NFE2L2: variants seen among roughly 807,000 people sequenced by gnomAD.
NFE2L2 encodes the protein nuclear factor erythroid 2-related factor 2.
A neutral mutation model predicts 49.6 loss-of-function variants in NFE2L2; 20 were observed. That is an observed-to-expected ratio of 0.40 (90% CI 0.28 to 0.59). NFE2L2 has a LOEUF of 0.59. Ranked by LOEUF, NFE2L2 falls within the 20% of genes least tolerant of loss-of-function variation. The pLI is 0.40. For synonymous variants in NFE2L2, 244 were observed against 256.5 expected (o/e 0.95, Z 0.47); for missense variants, 578 against 714.2 (o/e 0.81, Z 2.17).
In NFE2L2 at chr2:177,230,972, C is replaced by T. The variant is rs2105451186; in HGVS notation, c.1631G>A (p.Gly544Glu). 6.2e-7 allele frequency: 1 copy of T among 1,609,704 alleles called. No homozygotes were observed. ...TAGGTGAAGGCTTTTGTCATTTTCT[C>T]CTTTTTCTTTGAGCAATTTTTCTTT... ...DEKEKLLKEK[G>E]ENDKSLHLLK... The change falls in exon 5 of 5, where the codon GGA becomes GAA. Residue 544 changes from glycine to glutamate, a missense_variant. This residue lies in a region of NFE2L2 where 117 missense variants were observed against 175.8 expected (regional missense o/e 0.67). Coordinates refer to ENST00000397062, the MANE Select transcript of NFE2L2 (RefSeq NM_006164.5).
chr2:177,253,883 A>T (rs912111777), intron 1 of NFE2L2, among the ~76,000 whole-genome samples: 1 of 152,236 alleles, frequency 6.6e-6, no homozygotes, highest in Non-Finnish European at 1.5e-5. Context: ...GAATTTTGCA[A>T]TGTGGACAAT....
At chr2:177,247,428 G>A (rs929285266) in intron 1 of NFE2L2, among the ~76,000 whole-genome samples, 5 of 152,226 alleles carry the variant, frequency 3.3e-5, no homozygotes, top group South Asian at 2.1e-4. Context: ...TTGGGAGGCC[G>A]AGGCAGGTGG....
rs544993842 is a variant in NFE2L2 at position 177,247,521 on chromosome 2, C to T, written c.46-13250G>A. ...CTAAAAATACAAAAAATTAGCCGGG[C>T]GTGGTAGCGGGAGCCTATAATCTCA... On this transcript the variant is annotated intron_variant, in intron 1 of 4. Coordinates refer to ENST00000397062, the MANE Select transcript of NFE2L2 (RefSeq NM_006164.5). Among the ~76,000 whole-genome samples, 6 of 151,874 alleles carry T rather than the reference C, an allele frequency of 4.0e-5. No individual in the cohort carries two copies. In the East Asian group the frequency reaches 5.8e-4, roughly 15 times the overall value.
At chr2:177,240,060 A>C (rs1434530055) in intron 1 of NFE2L2, among the ~76,000 whole-genome samples, 1 of 152,172 alleles carries the variant, frequency 6.6e-6, no homozygotes. Flanking sequence ...ATTTCCTGTA[A>C]GGAGCCGTGT....
intron 1 of NFE2L2, among the ~76,000 whole-genome samples, chr2:177,259,200 G>A (rs1014383665): frequency 1.3e-5 from 2 of 152,128 alleles, no homozygotes; most frequent in Admixed American, 6.5e-5. Flanking sequence ...TACTTGGGAG[G>A]CTGAGGCAGG....
chr2:177,232,111 T>G lies in NFE2L2; in HGVS notation c.595-103A>C, dbSNP rs115871724. 1,412 of 1,139,502 alleles carry G rather than the reference T, an allele frequency of 1.2e-3. 11 individuals carry two copies. The African/African-American group carries it at 0.019, about 16-fold the overall frequency. The allele number at this position is 1,139,502 out of a possible 1,614,324, so 70.6% of individuals were successfully genotyped here. ...TACCCACATTATCTTCAGGCTTATC[T>G]CTATAATTTATTATCTATAATTCAG... On this transcript the variant is annotated intron_variant, in intron 4 of 4. Coordinates refer to ENST00000397062, the MANE Select transcript of NFE2L2 (RefSeq NM_006164.5).
At chr2:177,242,119 T>G (rs1306617053) in intron 1 of NFE2L2, among the ~76,000 whole-genome samples, 2 of 152,226 alleles carry the variant, frequency 1.3e-5, no homozygotes, top group African/African-American at 2.4e-5. Context: ...CCAGTACTTT[T>G]GGTTTTATTA....
intron 1 of NFE2L2, among the ~76,000 whole-genome samples, chr2:177,262,765 C>A (rs1690785638): frequency 6.6e-6 from 1 of 152,132 alleles, no homozygotes; most frequent in Non-Finnish European, 1.5e-5. Flanking sequence ...TAGACAATTC[C>A]GGAAATCAGA....
chr2:177,231,977 T>G lies in NFE2L2; in HGVS notation c.626A>C (p.Glu209Ala), dbSNP rs778893078. The change falls in exon 5 of 5, where the codon GAG (glutamate) becomes GCG (alanine). Residue 209 changes from glutamate to alanine, a missense_variant. Transcript: ENST00000397062. ...TTCTGGACTTGGAACCATGGTAGTC[T>G]CAACCAGCTTGTCATTTTCAATATT... Reference protein sequence around the residue: ...CLNIENDKLVETTMVPSPEAK... With the variant: ...CLNIENDKLVATTMVPSPEAK... 12 of 1,610,726 alleles carry G rather than the reference T, an allele frequency of 7.5e-6. No individual in the cohort carries two copies. Among genetic ancestry groups the G allele is most frequent in the Non-Finnish European group, 9.3e-6 (11 of 1,178,292 alleles).
intron 1 of NFE2L2, among the ~76,000 whole-genome samples, chr2:177,264,122 C>T (rs547827388): frequency 5.3e-5 from 8 of 152,222 alleles, no homozygotes; most frequent in African/African-American, 1.9e-4. Flanking sequence ...CGCGCAGCCC[C>T]GGAAGGGCCG....
At chr2:177,242,306 C>T (rs1689964144) in intron 1 of NFE2L2, among the ~76,000 whole-genome samples, 1 of 152,190 alleles carries the variant, frequency 6.6e-6, no homozygotes, top group African/African-American at 2.4e-5. Flanking sequence ...ACTGGCCTAG[C>T]AACATGTTGT....
rs1265217402 is a variant in NFE2L2 at position 177,230,631 on chromosome 2, T to C, written c.*154A>G. 3.6e-6 allele frequency: 3 copies of C among 822,094 alleles called. No individual in the cohort carries two copies. The highest frequency in any genetic ancestry group is 5.3e-6 in the Non-Finnish European group (3 of 568,196). The allele number at this position is 822,094 out of a possible 1,614,324, so 50.9% of individuals were successfully genotyped here. A position where few individuals can be genotyped will look rare whatever the true frequency, so the allele number is the denominator to read the frequency against. On this transcript the variant is annotated 3_prime_UTR_variant, in exon 5 of 5. Coordinates refer to ENST00000397062, the MANE Select transcript of NFE2L2 (RefSeq NM_006164.5). Reference sequence around the variant, plus strand: ...CTGATTCAACATACTGACACTCCAATGCTTTTTAAAGTTTCGTATTATTTT... The same window carrying C: ...CTGATTCAACATACTGACACTCCAACGCTTTTTAAAGTTTCGTATTATTTT...
chr2:177,240,270 C>G (rs563373754), intron 1 of NFE2L2, among the ~76,000 whole-genome samples: 1 of 152,252 alleles, frequency 6.6e-6, no homozygotes, highest in East Asian at 1.9e-4. Flanking sequence ...TGCAAGTCCC[C>G]CATGGAGGAA....
chr2:177,231,021 C>T lies in NFE2L2; in HGVS notation c.1582G>A (p.Asp528Asn). 6.2e-7 allele frequency: 1 copy of T among 1,612,796 alleles called. No individual in the cohort carries two copies. ...TTTTCATCTTTCAAATGATCTAAATCTTGCTCTAGTTCTACTATATTTTCC... is the reference window on the plus strand; with the variant it reads ...TTTTCATCTTTCAAATGATCTAAATTTTGCTCTAGTTCTACTATATTTTCC... ...KLENIVELEQDLDHLKDEKEK... is the reference protein window; with the variant it reads ...KLENIVELEQNLDHLKDEKEK... The change falls in exon 5 of 5, where the codon GAT becomes AAT. Residue 528 changes from aspartate (D) to asparagine (N), a missense_variant. Transcript: ENST00000397062.
At chr2:177,255,479 GAGA>G (rs768875634) in intron 1 of NFE2L2, among the ~76,000 whole-genome samples, 8 of 152,196 alleles carry the variant, frequency 5.3e-5, no homozygotes, top group Non-Finnish European at 1.0e-4. Flanking sequence ...GAACCAGCAG[GAGA>G]AGAACATGTG....
chr2:177,233,203 TAGTTATGATGG>T (rs762009694), intron 3 of NFE2L2, 36 bp downstream of exon 3: 22 of 1,411,332 alleles, frequency 1.6e-5, no homozygotes, highest in Middle Eastern at 1.8e-4. Context: ...TGTTATTTTA[TAGTTATGATGG>T]AGTTTTTCTA....
chr2:177,251,882 T>C (rs1165615333), intron 1 of NFE2L2, among the ~76,000 whole-genome samples: 5 of 151,542 alleles, frequency 3.3e-5, no homozygotes, highest in Admixed American at 3.3e-4. Flanking sequence ...GGCCCGTGCC[T>C]GTAGTCCCAG....
chr2:177,233,194 G>C (rs1390448522), intron 3 of NFE2L2, 56 bp downstream of exon 3: 3 of 1,374,448 alleles, frequency 2.2e-6, no homozygotes, highest in Non-Finnish European at 3.0e-6. Flanking sequence ...AGAATAGATT[G>C]TTATTTTATA....
intron 1 of NFE2L2, chr2:177,263,618 G>C: frequency 1.0e-6 from 1 of 985,444 alleles, no homozygotes; most frequent in Non-Finnish European, 1.2e-6. Flanking sequence ...ACCGAGCGCT[G>C]TCACGGAAGC....
Sources: gnomAD v4.1 joint callset for allele counts (sites outside exome capture counted in the v4.1 genomes callset) on GRCh38, gnomAD v4.1.1 for gene constraint, gnomAD v4.1.1 regional missense constraint, MANE v1.5 for transcripts, NCBI Gene and HGNC (gene_info 2026-07-23, HGNC 2026-07-21) for gene names.